The following SYMPK variants were observed in gnomAD, a reference collection of about 807,000 sequenced individuals.
SYMPK encodes the protein symplekin scaffold protein.
A neutral mutation model predicts 136.4 loss-of-function variants in SYMPK; 49 were observed. The ratio of observed to expected loss-of-function variants is 0.36; its 90% confidence interval spans 0.29 to 0.46. SYMPK has a LOEUF of 0.46. Among genes scored for constraint, SYMPK ranks in the 20% least tolerant of loss-of-function variants. The pLI is 1.00. For synonymous variants in SYMPK, 766 were observed against 713.0 expected (o/e 1.07, Z -1.19); for missense variants, 1,365 against 1,690.0 (o/e 0.81, Z 3.37).
At chr19:45,855,972 A>G (rs1346401279) in intron 1 of SYMPK, among the ~76,000 whole-genome samples, 1 of 152,192 alleles carries the variant, frequency 6.6e-6, no homozygotes, top group Non-Finnish European at 1.5e-5. Flanking sequence ...CTTGACTCAA[A>G]AAAAAGAAAG....
At chr19:45,851,249 C>T (rs996165856) in intron 5 of SYMPK, among the ~76,000 whole-genome samples, 13 of 152,110 alleles carry the variant, frequency 8.5e-5, no homozygotes, top group African/African-American at 1.2e-4. Context: ...AGATTGTGAA[C>T]GTGCTAAATG....
chr19:45,815,780 C>T lies in SYMPK; in HGVS notation c.3687+71G>A, dbSNP rs181287664. The T allele has an allele frequency of 2.7e-3, 4,309 of 1,581,928 alleles. 220 individuals are homozygous for T. The Admixed American group carries it at 0.073, about 27-fold the overall frequency. ...CCCTTCAGGCCCTGCCCCCTGATGGCCCCTCCTCCCCCACCTTCACCCCGG... is the reference window on the plus strand; with the variant it reads ...CCCTTCAGGCCCTGCCCCCTGATGGTCCCTCCTCCCCCACCTTCACCCCGG... On this transcript the variant is annotated intron_variant, in intron 26 of 26. Coordinates refer to ENST00000245934, the MANE Select transcript of SYMPK (RefSeq NM_004819.3).
Position 45,821,535 on chromosome 19 carries a change from T to C in SYMPK, c.2792-50A>G. 1.5e-6 allele frequency: 2 copies of C among 1,298,940 alleles called. No homozygotes were observed. Among genetic ancestry groups the C allele is most frequent in the Middle Eastern group, 1.8e-4 (1 of 5,420 alleles). 80.5% of individuals were successfully genotyped at this position (1,298,940 alleles called of 1,614,324 possible). A position where few individuals can be genotyped will look rare whatever the true frequency, so the allele number is the denominator to read the frequency against. On this transcript the variant is annotated intron_variant, in intron 21 of 26. Transcript: ENST00000245934. This position sits in a 1 kb window ranked among gnomAD's most constrained non-coding sequence, Gnocchi z 4.4. ...GGGGAAGACAGTGCGGACGCATAAG[T>C]GAAGAGATGGGTCTGAGTTCCCCAG...
intron 18 of SYMPK, among the ~76,000 whole-genome samples, chr19:45,824,463 T>TG (rs1408135008): frequency 6.6e-6 from 1 of 152,180 alleles, no homozygotes; most frequent in African/African-American, 2.4e-5. Context: ...ACCTTGAGAA[T>TG]GGGGCTAAAA....
At chr19:45,849,532 C>CA (rs1971648122) in intron 5 of SYMPK, among the ~76,000 whole-genome samples, 1 of 152,112 alleles carries the variant, frequency 6.6e-6, no homozygotes, top group East Asian at 1.9e-4. Context: ...TTAAATCAGT[C>CA]AAAAAATATG....
intron 24 of SYMPK, 56 bp from the exon 25 acceptor site, chr19:45,816,633 T>G (rs778377595): frequency 1.2e-6 from 2 of 1,608,928 alleles, no homozygotes; most frequent in Non-Finnish European, 1.7e-6. Context: ...GAGACCCCAT[T>G]TGCACACCTC....
intron 21 of SYMPK, among the ~76,000 whole-genome samples, chr19:45,822,115 C>CTTTTTTTTTTTTT (rs141894331): frequency 1.2e-5 from 1 of 86,124 alleles, no homozygotes; most frequent in South Asian, 3.9e-4. Flanking sequence ...AGTTTTGCTT[C>CTTTTTTTTTTTTT]TTTTTTTTTT....
At chr19:45,838,016 C>T (rs1421473141) in intron 10 of SYMPK, among the ~76,000 whole-genome samples, 1 of 152,044 alleles carries the variant, frequency 6.6e-6, no homozygotes, top group East Asian at 1.9e-4. Flanking sequence ...TGTTCCTTCC[C>T]GAATCTCATG....
rs1418623540 is a variant in SYMPK, at chr19:45,825,163, G to A, written c.2490+8C>T. 2 of 1,611,046 alleles carry A rather than the reference G, an allele frequency of 1.2e-6. No individual in the cohort carries two copies. The highest frequency in any genetic ancestry group is 1.7e-4 in the Middle Eastern group (1 of 5,986). On this transcript the variant is annotated splice_region_variant and intron_variant, in intron 18 of 26. Transcript: ENST00000245934. ...GTGGGCAGGGCCTGGTGGGCTCAGG[G>A]GCCTCACCGGCTGCTCAATGACCCT...
At chr19:45,822,674 A>AG (rs1333008707) in intron 21 of SYMPK, 82 bp downstream of exon 21, 2 of 1,171,624 alleles carry the variant, frequency 1.7e-6, no homozygotes, top group Non-Finnish European at 2.5e-6. Context: ...TCTCTCCCTG[A>AG]GGGGGGTGCC....
chr19:45,860,705 G>A (rs1246349731), intron 1 of SYMPK, among the ~76,000 whole-genome samples: 2 of 152,074 alleles, frequency 1.3e-5, no homozygotes, highest in African/African-American at 2.4e-5. Flanking sequence ...GTGCAGTGCC[G>A]CAATCTCAGC....
At position 45,847,993 on chromosome 19, in the gene SYMPK, T is replaced by C; in HGVS notation, c.435A>G (p.Val145=). 1 of 1,582,554 alleles carries C rather than the reference T, an allele frequency of 6.3e-7. No individual in the cohort carries two copies. The highest frequency in any genetic ancestry group is 8.6e-7 in the Non-Finnish European group (1 of 1,158,200). ...GTAGCTCGCTAATGACCCGTGACTT[T>C]ACCATCCACTGCCAGCAGGCCAGGA... The part of the protein sequence containing the change: ...QLYKVALQWM[V]KSRVISELQE... Residue 145 remains valine (V), a synonymous_variant, in exon 7 of 27, where the codon GTA becomes GTG. Transcript: ENST00000245934.
At chr19:45,822,416 T>TG (rs1386137928) in intron 21 of SYMPK, among the ~76,000 whole-genome samples, 10 of 152,274 alleles carry the variant, frequency 6.6e-5, no homozygotes, top group African/African-American at 1.9e-4. Flanking sequence ...GAAATGCCCC[T>TG]GGCCCACAGC....
At chr19:45,849,112 A>C (rs1600525903) in intron 5 of SYMPK, among the ~76,000 whole-genome samples, 1 of 152,194 alleles carries the variant, frequency 6.6e-6, no homozygotes, top group East Asian at 1.9e-4. Flanking sequence ...CTGTTCACAT[A>C]AGGGACAGTA....
In SYMPK at chr19:45,844,032, T is replaced by C; in HGVS notation, c.845A>G (p.His282Arg). The change falls in exon 8 of 27, where the codon CAT becomes CGT. Residue 282 changes from histidine (H) to arginine (R), a missense_variant and splice_region_variant. Physicochemically the swap from His to Arg is conservative, Grantham distance 29 (BLOSUM62 0). Around this residue, in one of 11 missense-constraint regions of SYMPK, gnomAD observed 237 missense variants for 292.9 expected, o/e 0.81. Transcript: ENST00000245934. The part of the protein sequence containing the change: ...SEVIQAYETL[H>R]ANLPPTLAKS... ...GAGGGGGGAGGACAATGACCTACCA[T>C]GCAGAGTTTCATAGGCCTGGATCAC... is the stretch of plus-strand genomic sequence containing the variant. The C allele has an allele frequency of 6.5e-7, 1 of 1,537,052 alleles. No homozygotes were observed. Among genetic ancestry groups the C allele is most frequent in the Non-Finnish European group, 8.8e-7 (1 of 1,137,168 alleles).
intron 16 of SYMPK, among the ~76,000 whole-genome samples, chr19:45,827,275 TG>T (rs1234725138): frequency 1.3e-5 from 2 of 152,226 alleles, no homozygotes; most frequent in African/African-American, 4.8e-5. Context: ...CGCACGTGTG[TG>T]TGTGTACACA....
chr19:45,852,554 TGGG>T lies in SYMPK; in HGVS notation c.172-22_172-20del, dbSNP rs1971721966. 1.2e-6 allele frequency: 2 copies of T among 1,613,362 alleles called. No individual in the cohort carries two copies. Among genetic ancestry groups the T allele is most frequent in the South Asian group, 2.2e-5 (2 of 91,058 alleles). On this transcript the variant is annotated intron_variant, in intron 3 of 26. Coordinates refer to ENST00000245934, the MANE Select transcript of SYMPK (RefSeq NM_004819.3). ...CCTGGACCTGGAAGGAGATTGGGGG[TGGG>T]GAGGAGGAATACCCATATAAAACGA...
chr19:45,854,807 A>C, intron 1 of SYMPK: 1 of 400,378 alleles, frequency 2.5e-6, no homozygotes, highest in Non-Finnish European at 4.7e-6. Flanking sequence ...TGCAACAGCC[A>C]CCTTGCAGGT....
At chr19:45,861,722 G>A (rs568651192) in intron 1 of SYMPK, among the ~76,000 whole-genome samples, 7 of 149,176 alleles carry the variant, frequency 4.7e-5, no homozygotes, top group Admixed American at 2.7e-4. Context: ...GGGTGACAGA[G>A]TGAGACTCTG....
Sources: gnomAD v4.1 joint callset for allele counts (sites outside exome capture counted in the v4.1 genomes callset) on GRCh38, gnomAD v4.1.1 for gene constraint, gnomAD v4.1.1 regional missense constraint, Gnocchi (gnomAD v3.1) non-coding constraint, MANE v1.5 for transcripts, NCBI Gene and HGNC (gene_info 2026-07-23, HGNC 2026-07-21) for gene names.